The following EIF4A1 variants were observed in gnomAD, a reference collection of about 807,000 sequenced individuals.
The protein encoded by EIF4A1 is eukaryotic translation initiation factor 4A1.
In EIF4A1, 11 loss-of-function variants were observed where a neutral mutation model predicts 53.5. The observed-to-expected ratio is 0.21, with a 90% CI of 0.13 to 0.34. EIF4A1 has a LOEUF of 0.34. Ranked by LOEUF, EIF4A1 falls within the 10% of genes least tolerant of loss-of-function variation. The probability of loss-of-function intolerance (pLI) is 1.00; values close to 1 mark genes in which losing one functional copy is unlikely to be tolerated. For synonymous variants in EIF4A1, 237 were observed against 186.7 expected (o/e 1.27, Z -2.20); for missense variants, 213 against 530.8 (o/e 0.40, Z 5.88).
chr17:7,576,508 G>A lies in EIF4A1; in HGVS notation c.346-16G>A, dbSNP rs1366083665. Reference sequence around the variant, plus strand: ...AGTGGTAACTGACATATGAGCACCTGCCTCTCTCTGCTCAGATACAGAAGG... The same window carrying A: ...AGTGGTAACTGACATATGAGCACCTACCTCTCTCTGCTCAGATACAGAAGG... On this transcript the variant is annotated splice_polypyrimidine_tract_variant and intron_variant, in intron 4 of 10. Transcript: ENST00000293831. The A allele has an allele frequency of 1.3e-6, 2 of 1,548,170 alleles. No individual in the cohort carries two copies. Among genetic ancestry groups the A allele is most frequent in the East Asian group, 2.3e-5 (1 of 43,496 alleles).
At chr17:7,573,909 T>C (rs2150924247) in intron 1 of EIF4A1, 1 of 239,394 alleles carries the variant, frequency 4.2e-6, no homozygotes, top group East Asian at 9.3e-5. Context: ...GGTGCTGCGG[T>C]GGGAGGTGCA....
At chr17:7,574,963 C>T in intron 3 of EIF4A1, 156 bp from the exon 4 acceptor site, 1 of 1,137,178 alleles carries the variant, frequency 8.8e-7, no homozygotes, top group Non-Finnish European at 1.3e-6. Context: ...TGTTTCTGAT[C>T]TGGTTCCCAT....
intron 5 of EIF4A1, 89 bp from the exon 6 acceptor site, chr17:7,576,967 C>G (rs755456549): frequency 8.0e-6 from 12 of 1,503,678 alleles, no homozygotes; most frequent in Middle Eastern, 1.7e-4. Context: ...TACTTGGCTC[C>G]TCTCTGTTTT....
rs147962584 is a variant in EIF4A1, at chr17:7,574,590, C to G, written c.117C>G (p.Leu39=). ...TTGACAGCTTTGATGACATGAACCTCTCGGAGTCCCTTCTCCGTGGCATCT... is the reference window on the plus strand; with the variant it reads ...TTGACAGCTTTGATGACATGAACCTGTCGGAGTCCCTTCTCCGTGGCATCT... ...EIVDSFDDMN[L]SESLLRGIYA... Residue 39 remains leucine (L), a synonymous_variant, in exon 3 of 11, where the codon CTC becomes CTG. Coordinates refer to ENST00000293831, the MANE Select transcript of EIF4A1 (RefSeq NM_001416.4). 58 of 1,612,290 alleles carry G rather than the reference C, an allele frequency of 3.6e-5. No homozygotes were observed. The highest frequency in any genetic ancestry group is 4.5e-5 in the Non-Finnish European group (53 of 1,180,002).
chr17:7,578,110 TC>T, intron 9 of EIF4A1, 54 bp from the exon 10 acceptor site: 1 of 1,612,240 alleles, frequency 6.2e-7, no homozygotes. Flanking sequence ...GTGTCTTCCC[TC>T]CGGGATAGAG....
At chr17:7,575,647 C>T (rs1165852900) in intron 4 of EIF4A1, 5 of 345,168 alleles carry the variant, frequency 1.4e-5, no homozygotes, top group Non-Finnish European at 2.3e-5. Flanking sequence ...ACACACAATT[C>T]TAATGCTGGA....
chr17:7,575,265 G>A lies in EIF4A1; in HGVS notation c.345+7G>A. The A allele has an allele frequency of 6.2e-7, 1 of 1,613,944 alleles. No homozygotes were observed. Among genetic ancestry groups the A allele is most frequent in the Non-Finnish European group, 8.5e-7 (1 of 1,180,040 alleles). ...TCGAGAATTGGCTCAGCAGGTAAGA[G>A]TGGCTTCTATTCCCTCCTTCAGGGC... is the stretch of plus-strand genomic sequence containing the variant. On this transcript the variant is annotated splice_region_variant and intron_variant, in intron 4 of 10. Transcript: ENST00000293831.
rs1480192015 is a variant in EIF4A1, at chr17:7,577,325, T to C, written c.625-19T>C. 6.2e-7 allele frequency: 1 copy of C among 1,613,818 alleles called. No individual in the cohort carries two copies. Among genetic ancestry groups the C allele is most frequent in the East Asian group, 2.2e-5 (1 of 44,882 alleles). On this transcript the variant is annotated intron_variant, in intron 6 of 10. Transcript: ENST00000293831. The surrounding 1 kb of genome is among the most constrained non-coding windows in gnomAD (Gnocchi z 4.7). The stretch of plus-strand genomic sequence containing the variant: ...CAGGAAGGAACCAGCACTCTAAGAC[T>C]GGCCTTTTTTTCCACTAGGTAGTTT...
chr17:7,577,643 C>A lies in EIF4A1; in HGVS notation c.843C>A (p.Thr281=), dbSNP rs1379588363. ...CCCAGGCAGTCATCTTCATCAACACCCGGAGGAAGGTGGACTGGCTCACCG... is the reference window on the plus strand; with the variant it reads ...CCCAGGCAGTCATCTTCATCAACACACGGAGGAAGGTGGACTGGCTCACCG... ...TITQAVIFIN[T]RRKVDWLTEK... The change falls in exon 8 of 11, where the codon ACC becomes ACA. Residue 281 remains threonine (T), a synonymous_variant. Transcript: ENST00000293831. This position sits in a 1 kb window ranked among gnomAD's most constrained non-coding sequence, Gnocchi z 4.7. 6.2e-7 allele frequency: 1 copy of A among 1,612,756 alleles called. No homozygotes were observed. Among genetic ancestry groups the A allele is most frequent in the South Asian group, 1.1e-5 (1 of 91,034 alleles).
In EIF4A1 at chr17:7,578,669, A is replaced by G; in HGVS notation, c.*183A>G. 1.8e-6 allele frequency: 1 copy of G among 540,666 alleles called. No homozygotes were observed. The highest frequency in any genetic ancestry group is 2.8e-6 in the Non-Finnish European group (1 of 352,356). 33.5% of individuals were successfully genotyped at this position (540,666 alleles called of 1,614,324 possible). ...TTTTAGACACCCTTTTCTTTGGGGTAGGCTCTTGCCCCAGGCGCCGGCTCT... is the reference window on the plus strand; with the variant it reads ...TTTTAGACACCCTTTTCTTTGGGGTGGGCTCTTGCCCCAGGCGCCGGCTCT... On this transcript the variant is annotated 3_prime_UTR_variant, in exon 11 of 11. Transcript: ENST00000293831.
intron 1 of EIF4A1, chr17:7,574,002 C>T (rs2071364874): frequency 2.0e-6 from 1 of 506,838 alleles, no homozygotes; most frequent in Admixed American, 3.5e-5. Flanking sequence ...AGCGCGGCGG[C>T]ACGCCTGCCG....
intron 1 of EIF4A1, 140 bp from the exon 2 acceptor site, chr17:7,574,120 T>A: frequency 1.1e-6 from 1 of 951,440 alleles, no homozygotes; most frequent in Non-Finnish European, 1.6e-6. Context: ...CCTTTGGGTA[T>A]TTTTTGGGAG....
In EIF4A1 at chr17:7,574,529, T is replaced by A. The variant is rs2071374134; in HGVS notation, c.73-17T>A. On this transcript the variant is annotated splice_polypyrimidine_tract_variant and intron_variant, in intron 2 of 10. Transcript: ENST00000293831. Reference sequence around the variant, plus strand: ...CCTTTTCCATGACTCAAGCTTTAATTTCTTTGCATCCCCTAGAGTAACTGG... The same window carrying A: ...CCTTTTCCATGACTCAAGCTTTAATATCTTTGCATCCCCTAGAGTAACTGG... 6.2e-6 allele frequency: 10 copies of A among 1,612,900 alleles called. No individual in the cohort carries two copies. Among genetic ancestry groups the A allele is most frequent in the Non-Finnish European group, 5.9e-6 (7 of 1,179,858 alleles).
chr17:7,574,365 A>G (rs2071371346), intron 2 of EIF4A1, 57 bp downstream of exon 2: 2 of 1,612,722 alleles, frequency 1.2e-6, no homozygotes, highest in Admixed American at 3.3e-5. Context: ...AGCCGTATAG[A>G]GTTAGAGTGG....
intron 1 of EIF4A1, chr17:7,574,031 T>G: frequency 1.8e-6 from 1 of 563,168 alleles, no homozygotes; most frequent in Non-Finnish European, 3.2e-6. Context: ...TCAGAAAGGG[T>G]CACCCCCTTA....
Position 7,574,539 on chromosome 17 carries a change from C to T in EIF4A1, c.73-7C>T, listed in dbSNP as rs1009462973. Reference sequence around the variant, plus strand: ...GACTCAAGCTTTAATTTCTTTGCATCCCCTAGAGTAACTGGAATGAGATTG... The same window carrying T: ...GACTCAAGCTTTAATTTCTTTGCATTCCCTAGAGTAACTGGAATGAGATTG... On this transcript the variant is annotated splice_region_variant and splice_polypyrimidine_tract_variant and intron_variant, in intron 2 of 10. Transcript: ENST00000293831. 1.2e-6 allele frequency: 2 copies of T among 1,612,854 alleles called. No homozygotes were observed. The highest frequency in any genetic ancestry group is 1.3e-5 in the African/African-American group (1 of 74,982).
chr17:7,576,669 A>G lies in EIF4A1; in HGVS notation c.491A>G (p.Asp164Gly). 1 of 1,611,238 alleles carries G rather than the reference A, an allele frequency of 6.2e-7. No homozygotes were observed. The highest frequency in any genetic ancestry group is 8.5e-7 in the Non-Finnish European group (1 of 1,178,636). The change falls in exon 5 of 11, where the codon GAT (aspartate) becomes GGT (glycine). Residue 164 changes from aspartate to glycine, a missense_variant. Transcript: ENST00000293831. ...IIVGTPGRVF[D>G]MLNRRYLSPK... is the part of the protein sequence containing the mutation. ...GTGGGTACCCCTGGCCGTGTGTTTGATATGCTTAACCGGAGATACCTGTGT... is the reference window on the plus strand; with the variant it reads ...GTGGGTACCCCTGGCCGTGTGTTTGGTATGCTTAACCGGAGATACCTGTGT...
rs1474222233 is a variant in EIF4A1 at position 7,578,423 on chromosome 17, C to T, written c.1158C>T (p.Asp386=). The T allele has an allele frequency of 1.2e-6, 2 of 1,613,702 alleles. No individual in the cohort carries two copies. Among genetic ancestry groups the T allele is most frequent in the African/African-American group, 1.3e-5 (1 of 74,896 alleles). Residue 386 remains aspartate, a synonymous_variant, in exon 11 of 11, where the codon GAC becomes GAT. Coordinates refer to ENST00000293831, the MANE Select transcript of EIF4A1 (RefSeq NM_001416.4). ...AAGAAGACAAGAGGACTCTTCGAGA[C>T]ATTGAGACCTTCTACAACACCTCCA... The part of the protein sequence containing the change: ...VTEEDKRTLR[D]IETFYNTSIE...
chr17:7,577,664 C>T lies in EIF4A1; in HGVS notation c.864C>T (p.Leu288=), dbSNP rs375491044. The change falls in exon 8 of 11, where the codon CTC becomes CTT. Residue 288 remains leucine (L), a synonymous_variant. Transcript: ENST00000293831. The surrounding 1 kb of genome is among the most constrained non-coding windows in gnomAD (Gnocchi z 4.7). ...FINTRRKVDW[L]TEKMHARDFT... is the part of the protein sequence containing the mutation. The stretch of plus-strand genomic sequence containing the variant: ...ACACCCGGAGGAAGGTGGACTGGCT[C>T]ACCGAGAAGATGCATGCTCGAGATT... 15 of 1,612,604 alleles carry T rather than the reference C, an allele frequency of 9.3e-6. No individual in the cohort carries two copies. The African/African-American group carries it at 1.6e-4, about 17-fold the overall frequency.
Sources: allele counts gnomAD v4.1 joint callset, GRCh38; gene constraint gnomAD v4.1.1; non-coding constraint Gnocchi (gnomAD v3.1); transcripts MANE v1.5; gene names NCBI Gene and HGNC (gene_info 2026-07-23, HGNC 2026-07-21).